ADGB: variants seen among roughly 807,000 people sequenced by gnomAD.
The protein encoded by ADGB is androglobin.
ADGB carries 172 observed loss-of-function variants against 210.5 expected under a neutral mutation model. That is an observed-to-expected ratio of 0.82 (90% CI 0.72 to 0.93). The LOEUF (loss-of-function observed/expected upper bound fraction) is 0.93, where lower values mean the gene tolerates loss of function less well. ADGB is among the 40% of genes least tolerant of loss of function. The probability of loss-of-function intolerance (pLI) is 0.00; values close to 1 mark genes in which losing one functional copy is unlikely to be tolerated. For missense variants in ADGB, 2,025 were observed against 1,964.8 expected, an observed-to-expected ratio of 1.03 and a Z score of -0.58; for synonymous variants, 658 against 662.7, an observed-to-expected ratio of 0.99 and a Z score of 0.11.
intron 1 of ADGB, among the ~76,000 whole-genome samples, chr6:146,609,757 A>C (rs929176063): frequency 6.6e-5 from 10 of 152,110 alleles, no homozygotes; most frequent in African/African-American, 2.4e-4. Flanking sequence ...TACTTTAAGG[A>C]TCTTGAATAT....
At chr6:146,696,077 CTT>C (rs754311689) in intron 12 of ADGB, among the ~76,000 whole-genome samples, 2 of 144,712 alleles carry the variant, frequency 1.4e-5, no homozygotes, top group Admixed American at 6.9e-5. Context: ...GTAAGAAATA[CTT>C]TTTTTTTTTT....
chr6:146,729,089 G>T (rs1164408771), intron 20 of ADGB, among the ~76,000 whole-genome samples: 3 of 152,182 alleles, frequency 2.0e-5, no homozygotes, highest in Non-Finnish European at 2.9e-5. Context: ...TTAGGTGGTT[G>T]CTCTCAAGGG....
At chr6:146,765,080 C>T (rs989236525) in intron 28 of ADGB, among the ~76,000 whole-genome samples, 5 of 151,796 alleles carry the variant, frequency 3.3e-5, no homozygotes, top group Non-Finnish European at 7.4e-5. Context: ...ATTACAGGTG[C>T]GAGCCACCGT....
intron 29 of ADGB, among the ~76,000 whole-genome samples, chr6:146,778,410 A>C (rs1266129967): frequency 6.6e-6 from 1 of 152,198 alleles, no homozygotes; most frequent in Non-Finnish European, 1.5e-5. Flanking sequence ...AGAATGTAGG[A>C]GAAAAGGTGT....
chr6:146,644,948 G>A (rs1469641506), intron 3 of ADGB, 83 bp downstream of exon 3: 2 of 772,738 alleles, frequency 2.6e-6, no homozygotes, highest in Non-Finnish European at 1.9e-6. Context: ...TTTTTGTAAT[G>A]ATTTAGGGTA....
At chr6:146,811,767 G>A (rs1445522659) in intron 35 of ADGB, among the ~76,000 whole-genome samples, 1 of 152,062 alleles carries the variant, frequency 6.6e-6, no homozygotes, top group Non-Finnish European at 1.5e-5. Context: ...CACCTCCCAG[G>A]TTCAAGTGAT....
At chr6:146,719,543 A>C (rs1013928411) in intron 16 of ADGB, among the ~76,000 whole-genome samples, 1 of 152,152 alleles carries the variant, frequency 6.6e-6, no homozygotes, top group Non-Finnish European at 1.5e-5. Flanking sequence ...CTGTGGTCTG[A>C]GGCCAGACAC....
In ADGB at chr6:146,800,176, A is replaced by G. The variant is rs570120505; in HGVS notation, c.4538-1007A>G. On this transcript the variant is annotated intron_variant, in intron 33 of 35. Coordinates refer to ENST00000397944, the MANE Select transcript of ADGB (RefSeq NM_024694.4). ...TGAACCAAGCAGGGAGATTTTTACTATGTAATTTCAAAATTGGTCATAAAG... is the reference window on the plus strand; with the variant it reads ...TGAACCAAGCAGGGAGATTTTTACTGTGTAATTTCAAAATTGGTCATAAAG... Among the ~76,000 whole-genome samples, 4 of 152,082 alleles carry G rather than the reference A, an allele frequency of 2.6e-5. No individual in the cohort carries two copies. The South Asian group carries it at 6.2e-4, about 24-fold the overall frequency.
chr6:146,600,334 TC>T, intron 1 of ADGB: 1 of 270,186 alleles, frequency 3.7e-6, no homozygotes, highest in Non-Finnish European at 7.9e-6. Flanking sequence ...TTCCTCTAGG[TC>T]CAAGGCCGAG....
At position 146,788,473 on chromosome 6, in the gene ADGB, C is replaced by G. The variant is rs1254453476; in HGVS notation, c.4400C>G (p.Ser1467Ter). The G allele has an allele frequency of 1.3e-6, 2 of 1,551,426 alleles. No individual in the cohort carries two copies. Among genetic ancestry groups the G allele is most frequent in the African/African-American group, 2.7e-5 (2 of 72,986 alleles). ...SESKEMTQTG[S>*]GSAVWKKWQL... ...AGCAAAGAGATGACACAAACAGGATCAGGGAGTGCGGTGTGGAAGAAGTGG... is the reference window on the plus strand; with the variant it reads ...AGCAAAGAGATGACACAAACAGGATGAGGGAGTGCGGTGTGGAAGAAGTGG... Residue 1467 changes from serine (S) to a stop codon, truncating the protein, a stop_gained, in exon 33 of 36, where the codon TCA (serine) becomes TGA (stop). Coordinates refer to ENST00000397944, the MANE Select transcript of ADGB (RefSeq NM_024694.4). LOFTEE classifies it high-confidence loss of function.
intron 29 of ADGB, among the ~76,000 whole-genome samples, chr6:146,777,080 A>T (rs189771582): frequency 1.3e-5 from 2 of 152,042 alleles, no homozygotes; most frequent in Middle Eastern, 3.4e-3. Flanking sequence ...TTGTCCCCCA[A>T]TTTGAAAGTA....
rs1776305900 is a variant in ADGB, at chr6:146,691,411, A to ATATATATATAT, written c.1486+121_1486+122insTATATATATAT. 10 of 98,200 alleles carry ATATATATATAT rather than the reference A, an allele frequency of 1.0e-4. 1 individual carries two copies. The African/African-American group carries it at 1.2e-3, about 11-fold the overall frequency. 6.1% of individuals were successfully genotyped at this position (98,200 alleles called of 1,614,324 possible). A position where few individuals can be genotyped will look rare whatever the true frequency, so the allele number is the denominator to read the frequency against. ...AACATTGCTTCTAAAGCCTATGTTT[A>ATATATATATAT]ATATATATATATATATATATATATA... is the stretch of plus-strand genomic sequence containing the variant. On this transcript the variant is annotated intron_variant, in intron 11 of 35. Coordinates refer to ENST00000397944, the MANE Select transcript of ADGB (RefSeq NM_024694.4).
In ADGB at chr6:146,716,869, T is replaced by C; in HGVS notation, c.1742-14T>C. The C allele has an allele frequency of 2.0e-6, 3 of 1,532,116 alleles. No individual in the cohort carries two copies. The highest frequency in any genetic ancestry group is 1.4e-5 in the African/African-American group (1 of 72,404). The allele number at this position is 1,532,116 out of a possible 1,614,324, so 94.9% of individuals were successfully genotyped here. Reference sequence around the variant, plus strand: ...TTAACAATATAAGATGTGTTTGACATGTGTGTCTTCTAGGCACAGATGAAC... The same window carrying C: ...TTAACAATATAAGATGTGTTTGACACGTGTGTCTTCTAGGCACAGATGAAC... On this transcript the variant is annotated splice_polypyrimidine_tract_variant and intron_variant, in intron 14 of 35. Coordinates refer to ENST00000397944, the MANE Select transcript of ADGB (RefSeq NM_024694.4).
chr6:146,733,201 G>A lies in ADGB; in HGVS notation c.2602G>A (p.Ala868Thr), dbSNP rs767190551. ...TCCAAACTTCAAATTTGCATTCCGG[G>A]CTATGGTTTTGGACTTGGAGTTACT... ...PPPNFKFAFR[A>T]MVLDLELLNS... The change falls in exon 21 of 36, where the codon GCT becomes ACT. Residue 868 changes from alanine to threonine, a missense_variant. Ala to Thr is a moderately conservative substitution (Grantham distance 58). Coordinates refer to ENST00000397944, the MANE Select transcript of ADGB (RefSeq NM_024694.4). 1 of 1,542,932 alleles carries A rather than the reference G, an allele frequency of 6.5e-7. No homozygotes were observed. The highest frequency in any genetic ancestry group is 1.2e-5 in the South Asian group (1 of 82,520).
chr6:146,656,696 T>C, intron 4 of ADGB, 75 bp from the exon 5 acceptor site: 1 of 1,003,492 alleles, frequency 1.0e-6, no homozygotes, highest in Non-Finnish European at 1.4e-6. Context: ...TGGATTTTTT[T>C]ACTGTTTTTA....
chr6:146,600,350 C>G, intron 1 of ADGB: 1 of 271,752 alleles, frequency 3.7e-6, no homozygotes, highest in Non-Finnish European at 7.8e-6. Context: ...GCCGAGGACG[C>G]CCTTCAGAAT....
At chr6:146,691,012 C>T in intron 10 of ADGB, 104 bp from the exon 11 acceptor site, 1 of 871,996 alleles carries the variant, frequency 1.1e-6, no homozygotes, top group Middle Eastern at 3.9e-4. Flanking sequence ...GATTTTTTTT[C>T]TTACTACCAC....
In ADGB at chr6:146,691,228, C is replaced by T. The variant is rs1357112825; in HGVS notation, c.1424C>T (p.Pro475Leu). Residue 475 changes from proline (P) to leucine (L), a missense_variant, in exon 11 of 36, where the codon CCT (proline) becomes CTT (leucine). Pro to Leu is a moderately conservative substitution (Grantham distance 98). Transcript: ENST00000397944. ...CTGGTAGCACCACCAAAACCACCTC[C>T]TCTACCTCCCTGGAAACTCATTCGT... ...CPLVAPPKPP[P>L]LPPWKLIRQK... The T allele has an allele frequency of 3.2e-6, 5 of 1,548,710 alleles. No individual in the cohort carries two copies. Among genetic ancestry groups the T allele is most frequent in the Admixed American group, 2.0e-5 (1 of 50,502 alleles).
intron 20 of ADGB, among the ~76,000 whole-genome samples, chr6:146,732,237 C>T (rs946214182): frequency 1.3e-5 from 2 of 152,064 alleles, no homozygotes; most frequent in African/African-American, 4.8e-5. Flanking sequence ...GGATGCTGGC[C>T]GAGGTACCAA....
Sources: gnomAD v4.1 joint callset for allele counts (sites outside exome capture counted in the v4.1 genomes callset) on GRCh38, gnomAD v4.1.1 for gene constraint, MANE v1.5 for transcripts, NCBI Gene and HGNC (gene_info 2026-07-23, HGNC 2026-07-21) for gene names.